Variants in NBEA observed in about 807,000 individuals in gnomAD.
NBEA encodes lysosomal-trafficking regulator 2.
In NBEA, 44 loss-of-function variants were observed where a neutral mutation model predicts 343.4. The observed-to-expected ratio is 0.13, with a 90% CI of 0.10 to 0.16. The LOEUF (loss-of-function observed/expected upper bound fraction) is 0.16. Ranked by LOEUF, NBEA falls within the 10% of genes least tolerant of loss-of-function variation. The pLI, the probability that NBEA is intolerant of heterozygous loss-of-function variation, is 1.00. For synonymous variants in NBEA, 1,175 were observed against 1,238.7 expected, an observed-to-expected ratio of 0.95 and a Z score of 1.08; for missense variants, 2,555 against 3,631.3, an observed-to-expected ratio of 0.70 and a Z score of 7.62.
intron 38 of NBEA, among the ~76,000 whole-genome samples, chr13:35,356,505 T>C (rs2040498660): frequency 6.6e-6 from 1 of 152,180 alleles, no homozygotes; most frequent in Non-Finnish European, 1.5e-5. Flanking sequence ...AAGAAAAATA[T>C]GTGGCCATAT....
In NBEA at chr13:35,045,003, T is replaced by C. The variant is rs2152560715; in HGVS notation, c.583T>C (p.Leu195=). ...CAGCTACAGCATCACTGTCAAGGAG[T>C]TGAAGCTTTTGTTCAGCATGCTTCG... is the stretch of plus-strand genomic sequence containing the variant. ...LASYSITVKE[L]KLLFSMLRGE... is the part of the protein sequence containing the mutation. The change falls in exon 3 of 59, where the codon TTG becomes CTG. Residue 195 remains leucine (L), a synonymous_variant. Transcript: ENST00000379939. 6.2e-7 allele frequency: 1 copy of C among 1,611,796 alleles called. No individual in the cohort carries two copies. Among genetic ancestry groups the C allele is most frequent in the East Asian group, 2.2e-5 (1 of 44,710 alleles).
intron 36 of NBEA, among the ~76,000 whole-genome samples, chr13:35,310,816 A>G (rs1452848324): frequency 6.6e-6 from 1 of 152,178 alleles, no homozygotes; most frequent in African/African-American, 2.4e-5. Context: ...CTTACTGTAT[A>G]TAAAATTTAT....
intron 33 of NBEA, among the ~76,000 whole-genome samples, chr13:35,220,930 G>C (rs1461058366): frequency 1.3e-5 from 2 of 151,952 alleles, no homozygotes; most frequent in Non-Finnish European, 2.9e-5. Flanking sequence ...CAGTGATTTT[G>C]AGTATTTTCT....
chr13:35,563,814 A>G (rs1048132885), intron 44 of NBEA, among the ~76,000 whole-genome samples: 2 of 151,782 alleles, frequency 1.3e-5, no homozygotes, highest in African/African-American at 4.8e-5. Context: ...TTTTGTGTAT[A>G]CGTGTGTGTG....
chr13:35,462,449 G>C (rs1378469326), intron 40 of NBEA, among the ~76,000 whole-genome samples: 7 of 152,162 alleles, frequency 4.6e-5, no homozygotes, highest in Non-Finnish European at 8.8e-5. Context: ...ATTAACTTCT[G>C]TGTGAAACTA....
At chr13:35,002,631 A>T (rs2061180550) in intron 1 of NBEA, among the ~76,000 whole-genome samples, 3 of 152,348 alleles carry the variant, frequency 2.0e-5, no homozygotes, top group Admixed American at 1.3e-4. Flanking sequence ...AAGTAATTGC[A>T]GTTTCAGATA....
intron 38 of NBEA, among the ~76,000 whole-genome samples, chr13:35,418,460 T>C (rs1451032860): frequency 1.3e-5 from 2 of 151,680 alleles, no homozygotes; most frequent in Non-Finnish European, 2.9e-5. Flanking sequence ...GAAAACAGAG[T>C]GAAGAACATA....
intron 34 of NBEA, among the ~76,000 whole-genome samples, chr13:35,276,894 A>G (rs933885328): frequency 1.3e-5 from 2 of 152,230 alleles, no homozygotes; most frequent in East Asian, 1.9e-4. Flanking sequence ...CTTTTTGAAT[A>G]TAAAATAGAT....
chr13:35,362,672 G>T lies in NBEA; in HGVS notation c.6179+10349G>T, dbSNP rs1364049661. 2.6e-5 allele frequency among the ~76,000 whole-genome samples: 4 copies of T among 151,812 alleles called. No individual in the cohort carries two copies. The South Asian group carries it at 8.3e-4, about 31-fold the overall frequency. ...TACATCATAGATTATATTTTTAATG[G>T]CTATAAAGCCTCACAGAAGGCTATG... is the stretch of plus-strand genomic sequence containing the variant. On this transcript the variant is annotated intron_variant, in intron 38 of 58. Coordinates refer to ENST00000379939, the MANE Select transcript of NBEA (RefSeq NM_001385012.1).
chr13:35,172,390 GGGCC>G (rs1403958235), intron 26 of NBEA, among the ~76,000 whole-genome samples: 1 of 151,862 alleles, frequency 6.6e-6, no homozygotes, highest in Non-Finnish European at 1.5e-5. Context: ...AACTGACGGT[GGGCC>G]ATTAAAGACA....
intron 34 of NBEA, among the ~76,000 whole-genome samples, chr13:35,279,933 T>G (rs1289870900): frequency 6.6e-6 from 1 of 152,192 alleles, no homozygotes; most frequent in Non-Finnish European, 1.5e-5. Context: ...AGTTATCCAT[T>G]TCTCCTGTCT....
chr13:35,479,028 G>A (rs1208388549), intron 41 of NBEA, among the ~76,000 whole-genome samples: 2 of 152,054 alleles, frequency 1.3e-5, no homozygotes, highest in African/African-American at 4.8e-5. Flanking sequence ...GCTAAACACC[G>A]AAGCACTTTG....
intron 35 of NBEA, among the ~76,000 whole-genome samples, chr13:35,292,142 T>G (rs2035839358): frequency 6.6e-6 from 1 of 151,944 alleles, no homozygotes; most frequent in African/African-American, 2.4e-5. Flanking sequence ...TTATTCTTAT[T>G]CAGGGGGGAT....
intron 39 of NBEA, among the ~76,000 whole-genome samples, chr13:35,451,243 C>T (rs1369248501): frequency 3.9e-5 from 6 of 152,112 alleles, no homozygotes; most frequent in Non-Finnish European, 2.9e-5. Flanking sequence ...CCTGCCTGGG[C>T]CTCCCGGGTA....
intron 53 of NBEA, among the ~76,000 whole-genome samples, chr13:35,652,851 C>T (rs899001362): frequency 2.0e-5 from 3 of 150,830 alleles, no homozygotes; most frequent in African/African-American, 7.3e-5. Context: ...CCCGCCACCG[C>T]GCCCGGCTAA....
At chr13:35,098,812 T>C (rs1031438942) in intron 11 of NBEA, among the ~76,000 whole-genome samples, 1 of 152,092 alleles carries the variant, frequency 6.6e-6, no homozygotes, top group Non-Finnish European at 1.5e-5. Flanking sequence ...TGATGAAATC[T>C]CATGCTGTCC....
intron 36 of NBEA, among the ~76,000 whole-genome samples, chr13:35,319,026 A>G (rs2037947928): frequency 6.6e-6 from 1 of 151,900 alleles, no homozygotes. Flanking sequence ...AGGTCTGTCT[A>G]TTTTGTTAAT....
At chr13:35,357,375 A>C (rs572286162) in intron 38 of NBEA, among the ~76,000 whole-genome samples, 20 of 151,572 alleles carry the variant, frequency 1.3e-4, no homozygotes, top group African/African-American at 4.6e-4. Flanking sequence ...GGGGTTTGTT[A>C]TATAGATTAT....
chr13:35,117,750 T>A (rs1593400727), intron 14 of NBEA, among the ~76,000 whole-genome samples: 1 of 151,960 alleles, frequency 6.6e-6, no homozygotes, highest in East Asian at 1.9e-4. Flanking sequence ...ATTCTTATAG[T>A]AATTGACCAT....
Sources: allele counts gnomAD v4.1 joint callset (sites outside exome capture counted in the v4.1 genomes callset), GRCh38; gene constraint gnomAD v4.1.1; transcripts MANE v1.5; gene names NCBI Gene and HGNC (gene_info 2026-07-23, HGNC 2026-07-21).